FBXW8: variants seen among roughly 807,000 people sequenced by gnomAD.
FBXW8 encodes the protein F-box and WD repeat domain containing 8.
FBXW8 carries 57 observed loss-of-function variants against 65.3 expected under a neutral mutation model. The observed-to-expected ratio is 0.87, with a 90% CI of 0.71 to 1.09. FBXW8 has a LOEUF of 1.09. Among genes scored for constraint, FBXW8 ranks in the 50% least tolerant of loss-of-function variants. FBXW8 has a pLI of 0.00. For synonymous variants in FBXW8, 308 were observed against 330.2 expected (o/e 0.93, Z 0.73); for missense variants, 777 against 814.8 (o/e 0.95, Z 0.57).
chr12:117,008,937 G>A (rs1953740983), intron 7 of FBXW8, among the ~76,000 whole-genome samples: 1 of 152,124 alleles, frequency 6.6e-6, no homozygotes, highest in Non-Finnish European at 1.5e-5. Flanking sequence ...TGTGGTGGCG[G>A]GCGCCTGTAG....
chr12:116,954,664 T>C (rs1235973449), intron 4 of FBXW8, among the ~76,000 whole-genome samples: 2 of 152,224 alleles, frequency 1.3e-5, no homozygotes, highest in Non-Finnish European at 2.9e-5. Context: ...CTGATTGTTT[T>C]CCTAGGCTAG....
intron 5 of FBXW8, among the ~76,000 whole-genome samples, chr12:116,971,562 A>G (rs1285409377): frequency 6.6e-6 from 1 of 152,098 alleles, no homozygotes; most frequent in Non-Finnish European, 1.5e-5. Flanking sequence ...TCTATTCCTC[A>G]GTGACAGGAG....
intron 4 of FBXW8, among the ~76,000 whole-genome samples, chr12:116,958,518 C>T (rs1883791357): frequency 6.6e-6 from 1 of 152,202 alleles, no homozygotes; most frequent in Non-Finnish European, 1.5e-5. Context: ...TTCATTCATT[C>T]CGTCAACACC....
At position 117,010,572 on chromosome 12, in the gene FBXW8, C is replaced by G; in HGVS notation, c.1367+122C>G. ...AGCTCTGCCCACCTGAGTTCAGCCC[C>G]GATCCCATAAACACTCTAGACTCAG... On this transcript the variant is annotated intron_variant, in intron 8 of 10. Coordinates refer to ENST00000652555, the MANE Select transcript of FBXW8 (RefSeq NM_153348.3). The G allele has an allele frequency of 8.3e-6, 11 of 1,318,980 alleles. No homozygotes were observed. The South Asian group carries it at 1.3e-4, about 15-fold the overall frequency. 81.7% of individuals were successfully genotyped at this position (1,318,980 alleles called of 1,614,324 possible).
At chr12:117,009,088 T>C (rs1465155462) in intron 7 of FBXW8, among the ~76,000 whole-genome samples, 1 of 150,484 alleles carries the variant, frequency 6.6e-6, no homozygotes, top group Non-Finnish European at 1.5e-5. Flanking sequence ...ACAAAAACCT[T>C]TGGCTGGGTG....
chr12:116,966,878 C>A (rs1884358501), intron 5 of FBXW8, among the ~76,000 whole-genome samples: 1 of 152,090 alleles, frequency 6.6e-6, no homozygotes, highest in South Asian at 2.1e-4. Flanking sequence ...ACCACAACAA[C>A]CAACTAATTT....
intron 4 of FBXW8, among the ~76,000 whole-genome samples, chr12:116,963,221 G>C (rs983938961): frequency 3.9e-5 from 6 of 152,190 alleles, no homozygotes; most frequent in Non-Finnish European, 8.8e-5. Flanking sequence ...CCTTTGGACT[G>C]TGCAATATAT....
At chr12:116,918,002 A>AC (rs1357606906) in intron 1 of FBXW8, among the ~76,000 whole-genome samples, 19 of 151,170 alleles carry the variant, frequency 1.3e-4, no homozygotes, top group Non-Finnish European at 2.5e-4. Context: ...AAAAAAAAAA[A>AC]AACAAAAAAA....
intron 1 of FBXW8, among the ~76,000 whole-genome samples, chr12:116,925,475 C>A (rs1187801254): frequency 1.3e-5 from 2 of 152,144 alleles, no homozygotes; most frequent in Non-Finnish European, 2.9e-5. Context: ...GGTCTCCTCA[C>A]CTTGGAGGAG....
intron 7 of FBXW8, among the ~76,000 whole-genome samples, chr12:116,994,790 A>G (rs1448774809): frequency 1.3e-5 from 2 of 152,194 alleles, no homozygotes; most frequent in Non-Finnish European, 2.9e-5. Context: ...CTCCCTACGG[A>G]TGGATGCTAG....
At chr12:116,967,772 TTTTG>T (rs1884415961) in intron 5 of FBXW8, among the ~76,000 whole-genome samples, 1 of 152,160 alleles carries the variant, frequency 6.6e-6, no homozygotes, top group Non-Finnish European at 1.5e-5. Flanking sequence ...ACTTATTCTT[TTTTG>T]TTTGTTTTGA....
intron 8 of FBXW8, among the ~76,000 whole-genome samples, chr12:117,013,807 C>G (rs1393429991): frequency 2.6e-5 from 4 of 151,588 alleles, no homozygotes; most frequent in African/African-American, 9.7e-5. Flanking sequence ...TATATATTCA[C>G]TGAAGGCAAC....
intron 1 of FBXW8, among the ~76,000 whole-genome samples, chr12:116,921,846 T>TA (rs1027233356): frequency 2.1e-5 from 3 of 144,796 alleles, no homozygotes; most frequent in East Asian, 2.0e-4. Context: ...TTTTTTTTTT[T>TA]AGACAGGCTC....
intron 7 of FBXW8, among the ~76,000 whole-genome samples, chr12:116,991,843 G>A (rs1184264856): frequency 1.3e-5 from 2 of 152,246 alleles, no homozygotes; most frequent in African/African-American, 4.8e-5. Flanking sequence ...CTAACCTGTT[G>A]AAGTATTCCA....
chr12:117,015,847 C>T lies in FBXW8; in HGVS notation c.1367+5397C>T, dbSNP rs570518048. ...CCATTAGCAGTCACTCCCCAGTTCC[C>T]TCATCCCCTCCAGCTTTAAGCAACC... On this transcript the variant is annotated intron_variant, in intron 8 of 10. Transcript: ENST00000652555. Among the ~76,000 whole-genome samples, 385 of 152,336 alleles carry T rather than the reference C, an allele frequency of 2.5e-3. 1 individual carries two copies. Among genetic ancestry groups the T allele is most frequent in the Middle Eastern group, 3.4e-3 (1 of 294 alleles).
chr12:117,016,432 A>G (rs934200208), intron 8 of FBXW8, among the ~76,000 whole-genome samples: 1 of 152,184 alleles, frequency 6.6e-6, no homozygotes, highest in Admixed American at 6.5e-5. Flanking sequence ...AGAGATGTCT[A>G]TCCAAATCCT....
At chr12:117,008,003 CT>C (rs1953719792) in intron 7 of FBXW8, among the ~76,000 whole-genome samples, 2 of 152,270 alleles carry the variant, frequency 1.3e-5, no homozygotes, top group Middle Eastern at 3.4e-3. Flanking sequence ...TTAGAAAATA[CT>C]GGACTCTGGA....
chr12:116,931,920 T>C (rs1256140005), intron 2 of FBXW8, among the ~76,000 whole-genome samples: 1 of 152,176 alleles, frequency 6.6e-6, no homozygotes, highest in Non-Finnish European at 1.5e-5. Context: ...TGCATCCTTG[T>C]CTTATTCCTG....
At chr12:116,926,842 C>G (rs2137306465) in intron 1 of FBXW8, among the ~76,000 whole-genome samples, 1 of 152,262 alleles carries the variant, frequency 6.6e-6, no homozygotes, top group South Asian at 2.1e-4. Context: ...AGCCCCGAGA[C>G]TTCTAGATGA....
Sources: gnomAD v4.1 joint callset for allele counts (sites outside exome capture counted in the v4.1 genomes callset) on GRCh38, gnomAD v4.1.1 for gene constraint, MANE v1.5 for transcripts, NCBI Gene and HGNC (gene_info 2026-07-23, HGNC 2026-07-21) for gene names.